The following RCC1 variants were observed in gnomAD, a reference collection of about 807,000 sequenced individuals.
The protein encoded by RCC1 is regulator of chromosome condensation.
Under a neutral mutation model 44.4 loss-of-function variants are expected in RCC1, and 11 were observed. That is an observed-to-expected ratio of 0.25 (90% confidence interval 0.16 to 0.41). The LOEUF is 0.41. Among genes scored for constraint, RCC1 ranks in the 10% least tolerant of loss-of-function variants. RCC1 has a pLI of 1.00. For missense variants in RCC1, 386 were observed against 547.1 expected (o/e 0.71, Z 2.94); for synonymous variants, 213 against 216.5 (o/e 0.98, Z 0.14).
intron 4 of RCC1, among the ~76,000 whole-genome samples, chr1:28,522,504 G>A (rs932997583): frequency 1.3e-5 from 2 of 152,022 alleles, no homozygotes; most frequent in Non-Finnish European, 2.9e-5. Context: ...TCAGGTTTGA[G>A]GTTTGGAAAG....
At chr1:28,526,782 G>A in intron 4 of RCC1, 2 of 554,854 alleles carry the variant, frequency 3.6e-6, no homozygotes, top group South Asian at 4.7e-5. Context: ...TGTAATTCCA[G>A]GTACTCAGGA....
chr1:28,523,585 A>C (rs1663439670), intron 4 of RCC1, among the ~76,000 whole-genome samples: 1 of 152,158 alleles, frequency 6.6e-6, no homozygotes, highest in South Asian at 2.1e-4. Flanking sequence ...CCAACACTTC[A>C]TATAGCCCTT....
intron 4 of RCC1, among the ~76,000 whole-genome samples, chr1:28,517,302 G>C (rs1662954993): frequency 6.6e-6 from 1 of 152,068 alleles, no homozygotes; most frequent in Admixed American, 6.6e-5. Flanking sequence ...TGAAGAATGG[G>C]TGTTAATAAG....
chr1:28,537,538 G>A (rs1428028493), intron 12 of RCC1, among the ~76,000 whole-genome samples: 2 of 152,194 alleles, frequency 1.3e-5, no homozygotes, highest in African/African-American at 4.8e-5. Flanking sequence ...GAACATCAGG[G>A]CAGTCTCAAA....
rs2995156 is a variant in RCC1 at position 28,529,276 on chromosome 1, C to A, written c.-9-582C>A. Among the ~76,000 whole-genome samples the A allele has an allele frequency of 3.4e-5, 5 of 145,620 alleles. No homozygotes were observed. In the South Asian group the frequency reaches 6.6e-4, roughly 19 times the overall value. On this transcript the variant is annotated intron_variant, in intron 4 of 12. Coordinates refer to ENST00000683442, the MANE Select transcript of RCC1 (RefSeq NM_001381865.2). Reference sequence around the variant, plus strand: ...TTGGCTCACCACAACCTCCACCTCGCGGGTTCAAGCGATTCTCCTGCCTCA... The same window carrying A: ...TTGGCTCACCACAACCTCCACCTCGAGGGTTCAAGCGATTCTCCTGCCTCA...
intron 4 of RCC1, chr1:28,526,466 T>C: frequency 1.8e-6 from 1 of 544,924 alleles, no homozygotes. Context: ...CACCATTCTT[T>C]CTTGGTGTAT....
At chr1:28,523,272 G>T (rs1663415235) in intron 4 of RCC1, among the ~76,000 whole-genome samples, 1 of 151,988 alleles carries the variant, frequency 6.6e-6, no homozygotes. Context: ...GCCCGCCTCG[G>T]CCTCCCAAAG....
chr1:28,532,099 A>G (rs1259052448), intron 6 of RCC1, 72 bp from the exon 7 acceptor site: 1 of 1,575,790 alleles, frequency 6.3e-7, no homozygotes, highest in Non-Finnish European at 8.6e-7. Context: ...TGGCTAGTCA[A>G]GTGGGGAGTG....
At chr1:28,520,864 G>A (rs1351279931) in intron 4 of RCC1, among the ~76,000 whole-genome samples, 3 of 152,078 alleles carry the variant, frequency 2.0e-5, no homozygotes, top group Admixed American at 6.6e-5. Context: ...GATCACCTGA[G>A]GTCAGGAGTT....
intron 5 of RCC1, among the ~76,000 whole-genome samples, chr1:28,531,205 C>G (rs1007521430): frequency 1.3e-5 from 2 of 150,742 alleles, no homozygotes; most frequent in Non-Finnish European, 2.9e-5. Flanking sequence ...TCCAGACTGG[C>G]GACAAAGGGA....
At chr1:28,507,250 C>G in intron 1 of RCC1, 2 of 446,706 alleles carry the variant, frequency 4.5e-6, no homozygotes, top group Non-Finnish European at 8.9e-6. Context: ...TTTTTTAACA[C>G]CCCACTGTGG....
chr1:28,512,153 T>C lies in RCC1; in HGVS notation c.-153+3248T>C, dbSNP rs574610444. ...CGCACCCGGCTAATTTTTGTGTTTT[T>C]TTTTTCAGTAGAGACAGGGTTTCGC... On this transcript the variant is annotated intron_variant, in intron 3 of 12. Coordinates refer to ENST00000683442, the MANE Select transcript of RCC1 (RefSeq NM_001381865.2). 8.6e-5 allele frequency among the ~76,000 whole-genome samples: 12 copies of C among 139,956 alleles called. No individual in the cohort carries two copies. In the South Asian group the frequency reaches 2.6e-3, roughly 31 times the overall value. The allele number at this position is 139,956 out of a possible 152,430, so 91.8% of individuals were successfully genotyped here.
chr1:28,513,124 A>G (rs1662666915), intron 3 of RCC1, among the ~76,000 whole-genome samples: 2 of 151,712 alleles, frequency 1.3e-5, no homozygotes, highest in South Asian at 4.2e-4. Flanking sequence ...GCCAGAGTGC[A>G]GTGGCACAAT....
chr1:28,527,965 C>G (rs1011114061), intron 4 of RCC1, among the ~76,000 whole-genome samples: 3 of 145,006 alleles, frequency 2.1e-5, no homozygotes, highest in African/African-American at 7.8e-5. Context: ...GCCGAGATTG[C>G]GCCATGGCAC....
At chr1:28,521,764 T>G (rs1445471780) in intron 4 of RCC1, among the ~76,000 whole-genome samples, 1 of 152,186 alleles carries the variant, frequency 6.6e-6, no homozygotes, top group Non-Finnish European at 1.5e-5. Flanking sequence ...CTCACCATCC[T>G]CTCCTCAGCT....
intron 3 of RCC1, among the ~76,000 whole-genome samples, chr1:28,515,849 C>A (rs1365891313): frequency 1.3e-5 from 2 of 151,880 alleles, no homozygotes; most frequent in African/African-American, 4.8e-5. Flanking sequence ...GAGTTCCAGA[C>A]CAGCCTGGCA....
chr1:28,535,017 C>T, intron 7 of RCC1, 33 bp from the exon 8 acceptor site: 1 of 1,572,526 alleles, frequency 6.4e-7, no homozygotes, highest in South Asian at 1.1e-5. Context: ...GCAGGCAGGA[C>T]TGGCTGATAA....
intron 1 of RCC1, chr1:28,507,281 C>G: frequency 2.0e-6 from 1 of 489,436 alleles, no homozygotes. Context: ...AACTCGTTTG[C>G]TTTCTTGTTT....
chr1:28,535,657 G>A, intron 9 of RCC1: 1 of 758,162 alleles, frequency 1.3e-6, no homozygotes, highest in South Asian at 1.5e-5. Flanking sequence ...CAGGCAGATG[G>A]TAAGTTCCAC....
Sources: gnomAD v4.1 joint callset for allele counts (sites outside exome capture counted in the v4.1 genomes callset) on GRCh38, gnomAD v4.1.1 for gene constraint, MANE v1.5 for transcripts, NCBI Gene and HGNC (gene_info 2026-07-23, HGNC 2026-07-21) for gene names.